The following SLC14A2 variants were observed in gnomAD, a reference collection of about 807,000 sequenced individuals.
SLC14A2 encodes urea transporter 2.
A neutral mutation model predicts 104.6 loss-of-function variants in SLC14A2; 91 were observed. The observed-to-expected ratio is 0.87, with a 90% CI of 0.73 to 1.04. The LOEUF (loss-of-function observed/expected upper bound fraction) is 1.04, where lower values mean the gene tolerates loss of function less well. SLC14A2 is among the 50% of genes least tolerant of loss of function. The pLI is 0.00. For synonymous variants in SLC14A2, 476 were observed against 466.4 expected, an observed-to-expected ratio of 1.02 and a Z score of -0.27; for missense variants, 1,189 against 1,156.0, an observed-to-expected ratio of 1.03 and a Z score of -0.41.
intron 1 of SLC14A2, among the ~76,000 whole-genome samples, chr18:45,278,313 T>A (rs2084725048): frequency 1.3e-5 from 2 of 152,318 alleles, no homozygotes; most frequent in South Asian, 4.1e-4. Context: ...GTCGGATAAT[T>A]TTTTGTTGTG....
At chr18:45,270,611 C>T (rs934267877) in intron 1 of SLC14A2, among the ~76,000 whole-genome samples, 2 of 152,102 alleles carry the variant, frequency 1.3e-5, no homozygotes, top group African/African-American at 2.4e-5. Context: ...CTGCAATAAG[C>T]TGTTAGCTTG....
chr18:45,529,849 G>T (rs2043654629), intron 2 of SLC14A2: 1 of 152,076 alleles, frequency 6.6e-6, no homozygotes, highest in Non-Finnish European at 1.5e-5. Context: ...GTCTGGAATG[G>T]AGTTTCCTAC....
In SLC14A2 at chr18:45,430,514, T is replaced by G. The variant is rs146687101; in HGVS notation, c.-124-52719T>G. Among the ~76,000 whole-genome samples the G allele has an allele frequency of 8.8e-3, 1,342 of 152,300 alleles. 20 individuals carry two copies. The highest frequency in any genetic ancestry group is 0.075 in the South Asian group (364 of 4,824). On this transcript the variant is annotated intron_variant, in intron 1 of 20. Coordinates refer to the SLC14A2 transcript ENST00000586448. ...AGAGATCTGTGTGGATTGGGATAAT[T>G]GGACTGGCTCTTTCTGTGGAAGGGA...
chr18:45,470,091 G>A (rs890238549), intron 1 of SLC14A2, among the ~76,000 whole-genome samples: 1 of 152,114 alleles, frequency 6.6e-6, no homozygotes, highest in East Asian at 1.9e-4. Context: ...CCTGCCTTTT[G>A]TTTTTATATG....
chr18:45,608,865 T>C (rs2044920554), intron 2 of SLC14A2, among the ~76,000 whole-genome samples: 1 of 152,228 alleles, frequency 6.6e-6, no homozygotes, highest in Admixed American at 6.5e-5. Flanking sequence ...GGAATAAAAC[T>C]GGAATTTGCA....
chr18:45,625,111 G>C (rs1022325132), intron 2 of SLC14A2, among the ~76,000 whole-genome samples: 3 of 152,106 alleles, frequency 2.0e-5, no homozygotes, highest in Admixed American at 1.3e-4. Flanking sequence ...TCTCCAAAGG[G>C]AAGGCCTTTG....
At chr18:45,658,980 G>C (rs1037939051) in intron 10 of SLC14A2, among the ~76,000 whole-genome samples, 1 of 152,134 alleles carries the variant, frequency 6.6e-6, no homozygotes, top group East Asian at 1.9e-4. Flanking sequence ...GGCAATCCTC[G>C]AGGGCAGGGA....
At chr18:45,412,377 C>T (rs2086224629) in intron 1 of SLC14A2, among the ~76,000 whole-genome samples, 1 of 152,148 alleles carries the variant, frequency 6.6e-6, no homozygotes, top group Non-Finnish European at 1.5e-5. Context: ...GTCACTAGAA[C>T]TGAGAAGAGA....
At chr18:45,430,968 CTG>C (rs1190574288) in intron 1 of SLC14A2, among the ~76,000 whole-genome samples, 1 of 152,152 alleles carries the variant, frequency 6.6e-6, no homozygotes, top group East Asian at 1.9e-4. Flanking sequence ...TGGTTGGGTG[CTG>C]ATGACTTTTT....
At position 45,508,874 on chromosome 18, in the gene SLC14A2, T is replaced by G. The variant is rs138745658; in HGVS notation, c.-35+25552T>G. On this transcript the variant is annotated intron_variant, in intron 2 of 20. Transcript: ENST00000586448. ...TGGTCTTGCAAATGAGACAAAAATA[T>G]GTAAACATGTAAACAGAATTACAAA... is the stretch of plus-strand genomic sequence containing the variant. Among the ~76,000 whole-genome samples, 145 of 152,318 alleles carry G rather than the reference T, an allele frequency of 9.5e-4. 1 individual carries two copies. Among genetic ancestry groups the G allele is most frequent in the African/African-American group, 3.2e-3 (132 of 41,578 alleles).
chr18:45,584,999 CT>C (rs2044546802), intron 2 of SLC14A2, among the ~76,000 whole-genome samples: 1 of 152,148 alleles, frequency 6.6e-6, no homozygotes, highest in South Asian at 2.1e-4. Flanking sequence ...CTCTCTGGGC[CT>C]TTTCCTGATC....
intron 1 of SLC14A2, among the ~76,000 whole-genome samples, chr18:45,447,038 G>A (rs1252834347): frequency 2.0e-5 from 3 of 152,024 alleles, no homozygotes; most frequent in Non-Finnish European, 4.4e-5. Flanking sequence ...TTTGGTCTCA[G>A]CACTTTCTAG....
chr18:45,678,946 ATTTC>A (rs1340267189), intron 18 of SLC14A2, 25 bp from the exon 19 acceptor site: 10 of 1,439,634 alleles, frequency 6.9e-6, no homozygotes, highest in African/African-American at 1.5e-5. Flanking sequence ...TTACTGGTCT[ATTTC>A]TTTCTTTTTT....
chr18:45,639,802 G>A lies in SLC14A2; in HGVS notation c.900G>A (p.Trp300Ter). The change falls in exon 7 of 20, where the codon TGG becomes TGA. Residue 300 changes from tryptophan to a stop codon, truncating the protein, a stop_gained. Transcript: ENST00000255226. LOFTEE classifies it high-confidence loss of function. ...AGGTGTATGGCTGTGACAATCCCTG[G>A]ACAGGCGGCGTGTTCCTGGTGGCTC... is the stretch of plus-strand genomic sequence containing the variant. ...VGQVYGCDNPWTGGVFLVALF... is the reference protein window; with the variant it reads ...VGQVYGCDNP The A allele has an allele frequency of 1.3e-5, 21 of 1,614,012 alleles. No individual in the cohort carries two copies. Among genetic ancestry groups the A allele is most frequent in the Non-Finnish European group, 1.8e-5 (21 of 1,180,008 alleles).
the SLC14A2 span, among the ~76,000 whole-genome samples, chr18:45,178,701 G>C: frequency 6.6e-6 from 1 of 152,110 alleles, no homozygotes; most frequent in Non-Finnish European, 1.5e-5. Context: ...AATTACTGCT[G>C]CATGGAATAG....
chr18:45,542,025 AAGAG>A (rs1465121277), intron 2 of SLC14A2, among the ~76,000 whole-genome samples: 1 of 135,850 alleles, frequency 7.4e-6, no homozygotes, highest in Non-Finnish European at 1.6e-5. Context: ...TGTTAGATGA[AAGAG>A]AGAGGGTTTT....
At chr18:45,301,337 G>GC (rs1251101226) in intron 1 of SLC14A2, among the ~76,000 whole-genome samples, 2 of 152,160 alleles carry the variant, frequency 1.3e-5, no homozygotes, top group African/African-American at 4.8e-5. Context: ...TCCTGTTTCA[G>GC]CCCCACTGAG....
the SLC14A2 span, among the ~76,000 whole-genome samples, chr18:45,173,552 A>G: frequency 6.6e-6 from 1 of 151,922 alleles, no homozygotes; most frequent in Non-Finnish European, 1.5e-5. Flanking sequence ...ATAACCCGAG[A>G]GAAGTCAGGT....
intron 1 of SLC14A2, among the ~76,000 whole-genome samples, chr18:45,249,420 T>G (rs928170401): frequency 2.0e-5 from 3 of 151,174 alleles, no homozygotes; most frequent in Non-Finnish European, 4.4e-5. Context: ...TAAGCATTGT[T>G]TTTTTTTTAA....
Sources: allele counts gnomAD v4.1 joint callset (sites outside exome capture counted in the v4.1 genomes callset), GRCh38; gene constraint gnomAD v4.1.1; transcripts MANE v1.5; gene names NCBI Gene and HGNC (gene_info 2026-07-23, HGNC 2026-07-21).